Variants in PEBP4 observed in about 807,000 individuals in gnomAD.
PEBP4 encodes the protein phosphatidylethanolamine binding protein 4.
A neutral mutation model predicts 23.9 loss-of-function variants in PEBP4; 22 were observed. That is an observed-to-expected ratio of 0.92 (90% confidence interval 0.66 to 1.31). The LOEUF (loss-of-function observed/expected upper bound fraction) is 1.31, where lower values mean the gene tolerates loss of function less well. PEBP4 is among the 40% of genes most tolerant of loss of function. PEBP4 has a pLI of 0.00. For missense variants in PEBP4, 324 were observed against 281.7 expected (o/e 1.15, Z -1.07); for synonymous variants, 112 against 99.3 (o/e 1.13, Z -0.76).
intron 3 of PEBP4, among the ~76,000 whole-genome samples, chr8:22,842,494 A>G (rs1437443295): frequency 6.6e-6 from 1 of 152,210 alleles, no homozygotes; most frequent in Non-Finnish European, 1.5e-5. Context: ...TATGGCTTAC[A>G]AAAAGTAATT....
chr8:22,713,425 C>T lies in PEBP4; in HGVS notation c.629G>A (p.Arg210Lys), dbSNP rs1438035626. ...YQDSPTLQAP[R>K]ERASEPKHKN... ...GTGCTTGGGCTCGCTGGCCCTTTCT[C>T]TGGGAGCCTGGAGGGTTGGTGAGTC... Residue 210 changes from arginine to lysine, a missense_variant, in exon 7 of 7, where the codon AGA (arginine) becomes AAA (lysine). Physicochemically the swap from Arg to Lys is conservative, Grantham distance 26. Coordinates refer to ENST00000256404, the MANE Select transcript of PEBP4 (RefSeq NM_144962.3). 2.5e-6 allele frequency: 4 copies of T among 1,612,396 alleles called. No individual in the cohort carries two copies. The highest frequency in any genetic ancestry group is 1.7e-5 in the Admixed American group (1 of 59,570).
At chr8:22,906,046 C>A (rs1808805347) in intron 3 of PEBP4, among the ~76,000 whole-genome samples, 1 of 152,134 alleles carries the variant, frequency 6.6e-6, no homozygotes, top group Admixed American at 6.5e-5. Flanking sequence ...CATTGCATAT[C>A]CCCAAACACC....
intron 3 of PEBP4, among the ~76,000 whole-genome samples, chr8:22,846,130 G>A (rs183187643): frequency 1.5e-4 from 23 of 152,328 alleles, no homozygotes; most frequent in African/African-American, 5.1e-4. Context: ...TGTGTCCTCA[G>A]AATGCCACCC....
intron 4 of PEBP4, among the ~76,000 whole-genome samples, chr8:22,764,931 A>G (rs1805577101): frequency 6.6e-6 from 1 of 152,052 alleles, no homozygotes; most frequent in Admixed American, 6.6e-5. Context: ...CATGAGGACC[A>G]GTGGGTCAGA....
At chr8:22,738,275 C>G (rs1804913323) in intron 4 of PEBP4, among the ~76,000 whole-genome samples, 1 of 152,230 alleles carries the variant, frequency 6.6e-6, no homozygotes, top group African/African-American at 2.4e-5. Context: ...CTTGAAGACA[C>G]ATGATCCCAC....
Position 22,776,925 on chromosome 8 carries a change from T to C in PEBP4, c.357+40712A>G, listed in dbSNP as rs541056715. On this transcript the variant is annotated intron_variant, in intron 4 of 6. Coordinates refer to ENST00000256404, the MANE Select transcript of PEBP4 (RefSeq NM_144962.3). ...GCCAGACTGGCCTGAAGGATGGCAT[T>C]GGGGTACAACCAGGGCAGCATGTGA... is the stretch of plus-strand genomic sequence containing the variant. Among the ~76,000 whole-genome samples the C allele has an allele frequency of 7.2e-5, 11 of 151,730 alleles. No individual in the cohort carries two copies. In the East Asian group the frequency reaches 1.4e-3, roughly 19 times the overall value.
chr8:22,860,214 A>G (rs868435870), intron 3 of PEBP4, among the ~76,000 whole-genome samples: 1 of 144,910 alleles, frequency 6.9e-6, no homozygotes, highest in Non-Finnish European at 1.5e-5. Context: ...ATACACATAT[A>G]TGTATATATA....
At chr8:22,746,148 C>T (rs1427657988) in intron 4 of PEBP4, among the ~76,000 whole-genome samples, 1 of 151,694 alleles carries the variant, frequency 6.6e-6, no homozygotes, top group Non-Finnish European at 1.5e-5. Flanking sequence ...CTGCAAGAGA[C>T]ATTTTTGCTG....
intron 4 of PEBP4, among the ~76,000 whole-genome samples, chr8:22,733,537 C>T (rs1258744910): frequency 2.6e-5 from 4 of 152,074 alleles, no homozygotes; most frequent in Non-Finnish European, 4.4e-5. Flanking sequence ...TCCCTCATTC[C>T]CCTTCAATTA....
chr8:22,834,500 T>C (rs1807158911), intron 3 of PEBP4, among the ~76,000 whole-genome samples: 1 of 152,206 alleles, frequency 6.6e-6, no homozygotes, highest in African/African-American at 2.4e-5. Flanking sequence ...GTTCACAGCA[T>C]GCTCTGACAC....
chr8:22,788,428 G>C (rs1279040224), intron 4 of PEBP4, among the ~76,000 whole-genome samples: 1 of 152,230 alleles, frequency 6.6e-6, no homozygotes, highest in South Asian at 2.1e-4. Context: ...ACGCAGGGAG[G>C]GAAGGCCCTA....
chr8:22,873,608 G>A (rs2128770860), intron 3 of PEBP4, among the ~76,000 whole-genome samples: 1 of 152,286 alleles, frequency 6.6e-6, no homozygotes, highest in South Asian at 2.1e-4. Flanking sequence ...CTCCAGCCTG[G>A]GCAACAGAGC....
At chr8:22,786,393 T>G (rs1395763015) in intron 4 of PEBP4, among the ~76,000 whole-genome samples, 1 of 152,048 alleles carries the variant, frequency 6.6e-6, no homozygotes, top group African/African-American at 2.4e-5. Context: ...AGCAATTCTC[T>G]GGCCTCAGCC....
chr8:22,728,612 C>CT (rs1357383406), intron 4 of PEBP4, among the ~76,000 whole-genome samples: 3 of 116,380 alleles, frequency 2.6e-5, no homozygotes, highest in African/African-American at 8.8e-5. Flanking sequence ...TCCTTCCTTC[C>CT]CTTTTTTTGG....
chr8:22,828,853 T>C (rs1297359735), intron 3 of PEBP4, among the ~76,000 whole-genome samples: 1 of 152,010 alleles, frequency 6.6e-6, no homozygotes, highest in Non-Finnish European at 1.5e-5. Flanking sequence ...TCTCGGGCAA[T>C]CTTTCCCTCT....
chr8:22,757,877 T>A (rs1159072336), intron 4 of PEBP4: 4 of 152,248 alleles, frequency 2.6e-5, no homozygotes, highest in African/African-American at 9.6e-5. Context: ...CCTGCAGCCC[T>A]GCCTGGGCTG....
chr8:22,876,069 CAT>C (rs1336798589), intron 3 of PEBP4, among the ~76,000 whole-genome samples: 4 of 152,088 alleles, frequency 2.6e-5, no homozygotes, highest in Admixed American at 1.3e-4. Flanking sequence ...CACCACCACA[CAT>C]GACTTATTTT....
At chr8:22,800,346 T>G (rs941170282) in intron 4 of PEBP4, among the ~76,000 whole-genome samples, 1 of 152,006 alleles carries the variant, frequency 6.6e-6, no homozygotes, top group African/African-American at 2.4e-5. Flanking sequence ...TCTGCACTGA[T>G]AAGCTTCTAT....
intron 3 of PEBP4, 138 bp from the exon 4 acceptor site, chr8:22,817,873 C>A: frequency 1.4e-6 from 1 of 715,430 alleles, no homozygotes; most frequent in Non-Finnish European, 2.4e-6. Flanking sequence ...TTTATCCTTG[C>A]TCTCGTGACA....
Sources: gnomAD v4.1 joint callset for allele counts (sites outside exome capture counted in the v4.1 genomes callset) on GRCh38, gnomAD v4.1.1 for gene constraint, MANE v1.5 for transcripts, NCBI Gene and HGNC (gene_info 2026-07-23, HGNC 2026-07-21) for gene names.